CADPS2: variants seen among roughly 807,000 people sequenced by gnomAD.
The protein encoded by CADPS2 is calcium-dependent secretion activator 2.
In CADPS2, 93 loss-of-function variants were observed where a neutral mutation model predicts 172.5. The ratio of observed to expected loss-of-function variants is 0.54; its 90% CI spans 0.46 to 0.64. CADPS2 has a LOEUF of 0.64. Ranked by LOEUF, CADPS2 falls within the 30% of genes least tolerant of loss-of-function variation. CADPS2 has a pLI of 0.00. For missense variants in CADPS2, 1,420 were observed against 1,565.9 expected (o/e 0.91, Z 1.57); for synonymous variants, 546 against 555.2 (o/e 0.98, Z 0.23).
chr7:122,487,508 G>A (rs1338251757), intron 11 of CADPS2, among the ~76,000 whole-genome samples: 1 of 151,868 alleles, frequency 6.6e-6, no homozygotes. Flanking sequence ...CATAACCAAA[G>A]AATAAATATG....
chr7:122,829,928 G>C (rs1432726887), intron 1 of CADPS2, among the ~76,000 whole-genome samples: 1 of 151,954 alleles, frequency 6.6e-6, no homozygotes, highest in African/African-American at 2.4e-5. Flanking sequence ...GTGATGTCCA[G>C]TAAGAAGAGC....
intron 2 of CADPS2, among the ~76,000 whole-genome samples, chr7:122,695,426 A>T (rs1239235193): frequency 6.6e-6 from 1 of 152,242 alleles, no homozygotes; most frequent in African/African-American, 2.4e-5. Flanking sequence ...ATCTATTATA[A>T]TGAATAAATT....
intron 1 of CADPS2, among the ~76,000 whole-genome samples, chr7:122,872,379 T>C (rs977724674): frequency 5.3e-5 from 8 of 152,120 alleles, no homozygotes; most frequent in African/African-American, 1.9e-4. Flanking sequence ...AGATTCATTA[T>C]AGGAACCTTT....
intron 22 of CADPS2, among the ~76,000 whole-genome samples, chr7:122,388,980 A>C (rs903926646): frequency 1.3e-4 from 20 of 152,088 alleles, no homozygotes; most frequent in Admixed American, 6.6e-5. Flanking sequence ...CAAAGAGGTA[A>C]AATGGATATG....
chr7:122,574,853 A>G (rs982567316), intron 7 of CADPS2, among the ~76,000 whole-genome samples: 1 of 152,174 alleles, frequency 6.6e-6, no homozygotes, highest in African/African-American at 2.4e-5. Context: ...AGAAACTCTA[A>G]TAGTAACACC....
At chr7:122,364,413 T>TAAAAAAAA (rs916412439) in intron 25 of CADPS2, among the ~76,000 whole-genome samples, 1 of 77,900 alleles carries the variant, frequency 1.3e-5, no homozygotes, top group African/African-American at 5.3e-5. Context: ...TGTCTCAAGT[T>TAAAAAAAA]AAAAAAAAAA....
At chr7:122,635,929 AT>A (rs56364465) in intron 3 of CADPS2, among the ~76,000 whole-genome samples, 150,883 of 151,994 alleles carry the variant, frequency 0.99, 74,897 homozygotes, top group Middle Eastern at 1. Flanking sequence ...CAGCTCCCAC[AT>A]TTTTTTTTGT....
At chr7:122,615,120 T>G (rs2074752789) in intron 6 of CADPS2, 61 bp downstream of exon 6, 1 of 1,013,234 alleles carries the variant, frequency 9.9e-7, no homozygotes. Context: ...CAGAGCATGT[T>G]TCTTTGGGAG....
chr7:122,489,507 C>T (rs2058104154), intron 11 of CADPS2, among the ~76,000 whole-genome samples: 1 of 152,060 alleles, frequency 6.6e-6, no homozygotes, highest in East Asian at 1.9e-4. Context: ...AATTATTAAG[C>T]ATCAGTCATT....
intron 7 of CADPS2, among the ~76,000 whole-genome samples, chr7:122,574,912 A>G (rs142977640): frequency 4.4e-4 from 67 of 152,254 alleles, no homozygotes; most frequent in African/African-American, 1.4e-3. Context: ...TACGATGGAG[A>G]GAACTGGCAG....
chr7:122,671,182 T>C (rs2081807246), intron 2 of CADPS2, among the ~76,000 whole-genome samples: 1 of 152,224 alleles, frequency 6.6e-6, no homozygotes, highest in Non-Finnish European at 1.5e-5. Context: ...TCTTATCTCT[T>C]TTCCTCACTG....
intron 2 of CADPS2, among the ~76,000 whole-genome samples, chr7:122,732,375 T>C (rs1312710759): frequency 1.3e-5 from 2 of 151,094 alleles, no homozygotes; most frequent in African/African-American, 2.4e-5. Flanking sequence ...ATAGACTATA[T>C]AGACCTACAA....
intron 6 of CADPS2, among the ~76,000 whole-genome samples, chr7:122,603,584 C>T (rs2073092978): frequency 6.6e-6 from 1 of 151,958 alleles, no homozygotes; most frequent in Admixed American, 6.6e-5. Flanking sequence ...ACAAAATAGT[C>T]CTTGAAATAG....
intron 1 of CADPS2, among the ~76,000 whole-genome samples, chr7:122,787,713 G>T (rs898516925): frequency 9.2e-5 from 14 of 152,170 alleles, no homozygotes; most frequent in African/African-American, 3.4e-4. Context: ...TGTGGGGCAG[G>T]GACAAGGAAG....
At chr7:122,374,827 A>T (rs575264438) in intron 25 of CADPS2, among the ~76,000 whole-genome samples, 104 of 152,290 alleles carry the variant, frequency 6.8e-4, no homozygotes, top group Admixed American at 1.6e-3. Flanking sequence ...CCTATGTAGC[A>T]AAAGTGCACA....
At chr7:122,403,807 A>T (rs1563250129) in intron 20 of CADPS2, among the ~76,000 whole-genome samples, 1 of 152,150 alleles carries the variant, frequency 6.6e-6, no homozygotes, top group Non-Finnish European at 1.5e-5. Flanking sequence ...ATGAATGAAT[A>T]TTCCATTGTA....
At chr7:122,468,161 T>C (rs1015403410) in intron 14 of CADPS2, among the ~76,000 whole-genome samples, 2 of 152,100 alleles carry the variant, frequency 1.3e-5, no homozygotes, top group African/African-American at 4.8e-5. Context: ...TTCACTTCAG[T>C]CAATAACAAA....
In CADPS2 at chr7:122,451,479, A is replaced by G. The variant is rs748686173; in HGVS notation, c.2187-4T>C. On this transcript the variant is annotated splice_polypyrimidine_tract_variant and splice_region_variant and intron_variant, in intron 14 of 29. Coordinates refer to ENST00000449022, the MANE Select transcript of CADPS2 (RefSeq NM_017954.11). Reference sequence around the variant, plus strand: ...AACAGTCCCAATTCCATCAGGCCTGAAAAAAAAATCAGAATCAATAATTCA... The same window carrying G: ...AACAGTCCCAATTCCATCAGGCCTGGAAAAAAAATCAGAATCAATAATTCA... 4.0e-6 allele frequency: 6 copies of G among 1,483,794 alleles called. No individual in the cohort carries two copies. The Admixed American group carries it at 6.1e-5, about 15-fold the overall frequency. The allele number at this position is 1,483,794 out of a possible 1,614,324, so 91.9% of individuals were successfully genotyped here. A position where few individuals can be genotyped will look rare whatever the true frequency, so the allele number is the denominator to read the frequency against.
intron 15 of CADPS2, among the ~76,000 whole-genome samples, chr7:122,443,521 CAGAT>C (rs2151975150): frequency 6.6e-6 from 1 of 151,758 alleles, no homozygotes; most frequent in Non-Finnish European, 1.5e-5. Context: ...ATTAATTGCA[CAGAT>C]AAATAAACCA....
Sources: allele counts gnomAD v4.1 joint callset (sites outside exome capture counted in the v4.1 genomes callset), GRCh38; gene constraint gnomAD v4.1.1; transcripts MANE v1.5; gene names NCBI Gene and HGNC (gene_info 2026-07-23, HGNC 2026-07-21).